Variants in RNF220 observed in about 807,000 individuals in gnomAD.
RNF220 encodes the protein ring finger protein 220.
A neutral mutation model predicts 67.1 loss-of-function variants in RNF220; 7 were observed. The ratio of observed to expected loss-of-function variants is 0.10; its 90% CI spans 0.06 to 0.20. The LOEUF (loss-of-function observed/expected upper bound fraction) is 0.20, where lower values mean the gene tolerates loss of function less well. Among genes scored for constraint, RNF220 ranks in the 10% least tolerant of loss-of-function variants. RNF220 has a pLI of 1.00. For missense variants in RNF220, 565 were observed against 740.3 expected (o/e 0.76, Z 2.75); for synonymous variants, 270 against 283.2 (o/e 0.95, Z 0.47).
At chr1:44,554,696 C>T (rs1313811356) in intron 2 of RNF220, among the ~76,000 whole-genome samples, 15 of 152,156 alleles carry the variant, frequency 9.9e-5, no homozygotes, top group Admixed American at 9.8e-4. Flanking sequence ...TGCATCAGAG[C>T]AGTTCCTTGC....
At chr1:44,452,895 ATATCT>A (rs1302737979) in intron 2 of RNF220, among the ~76,000 whole-genome samples, 1 of 152,208 alleles carries the variant, frequency 6.6e-6, no homozygotes, top group African/African-American at 2.4e-5. Context: ...GTTCCATAAA[ATATCT>A]TATAAGTATT....
chr1:44,459,077 A>G (rs1286616009), intron 2 of RNF220, among the ~76,000 whole-genome samples: 1 of 152,242 alleles, frequency 6.6e-6, no homozygotes, highest in African/African-American at 2.4e-5. Flanking sequence ...GCACCAAAAA[A>G]GAGAATGTTC....
Position 44,624,106 on chromosome 1 carries a change from G to A in RNF220, c.804+1319G>A, listed in dbSNP as rs189154241. ...GGAGCAGAGCACCTAGCCCTGCCTT[G>A]GGTGGGTATAGGCCTTGGCCAAGGA... On this transcript the variant is annotated intron_variant, in intron 4 of 14. Coordinates refer to ENST00000361799, the MANE Select transcript of RNF220 (RefSeq NM_018150.4). The surrounding 1 kb of genome is among the most constrained non-coding windows in gnomAD (Gnocchi z 4.2). Among the ~76,000 whole-genome samples, 38 of 152,360 alleles carry A rather than the reference G, an allele frequency of 2.5e-4. No individual in the cohort carries two copies. The East Asian group carries it at 7.1e-3, about 29-fold the overall frequency.
chr1:44,580,049 AAAAAAAAAG>A (rs1665139335), intron 2 of RNF220, among the ~76,000 whole-genome samples: 2 of 149,316 alleles, frequency 1.3e-5, no homozygotes, highest in African/African-American at 4.9e-5. Flanking sequence ...AAAAAAAAAA[AAAAAAAAAG>A]AAAGAAAAGA....
intron 2 of RNF220, among the ~76,000 whole-genome samples, chr1:44,566,579 G>A (rs1408207443): frequency 6.6e-6 from 1 of 152,224 alleles, no homozygotes; most frequent in African/African-American, 2.4e-5. Context: ...GATTGAAAGG[G>A]GGATGGAAGT....
At chr1:44,627,981 G>T (rs1000697718) in intron 5 of RNF220, among the ~76,000 whole-genome samples, 2 of 152,210 alleles carry the variant, frequency 1.3e-5, no homozygotes, top group Admixed American at 1.3e-4. Context: ...CAAAGTGCAA[G>T]CCCTGGGAAG....
chr1:44,425,720 T>G (rs1368668276), intron 2 of RNF220, among the ~76,000 whole-genome samples: 1 of 152,144 alleles, frequency 6.6e-6, no homozygotes, highest in Non-Finnish European at 1.5e-5. Context: ...CCCTACAGGG[T>G]TGCTGAGTAA....
chr1:44,462,094 AT>A lies in RNF220; in HGVS notation c.625+49381del, dbSNP rs199842017. Among the ~76,000 whole-genome samples, 990 of 150,048 alleles carry A rather than the reference AT, an allele frequency of 6.6e-3. 10 individuals are homozygous for A. The highest frequency in any genetic ancestry group is 0.023 in the African/African-American group (931 of 40,842). ...AGGGGCACACCACTATGCCCGGCTA[AT>A]TTTTTTTTCTTGTATTTTTAGTAGA... On this transcript the variant is annotated intron_variant, in intron 2 of 14. Coordinates refer to ENST00000361799, the MANE Select transcript of RNF220 (RefSeq NM_018150.4).
At chr1:44,525,964 C>G (rs762677379) in intron 2 of RNF220, among the ~76,000 whole-genome samples, 1 of 152,238 alleles carries the variant, frequency 6.6e-6, no homozygotes, top group Non-Finnish European at 1.5e-5. Flanking sequence ...GTTAGACCTT[C>G]AGTCCCTGGA....
Position 44,518,454 on chromosome 1 carries a change from C to A in RNF220, c.626-95711C>A, listed in dbSNP as rs1166316327. Among the ~76,000 whole-genome samples the A allele has an allele frequency of 2.6e-5, 4 of 152,298 alleles. No individual in the cohort carries two copies. The East Asian group carries it at 7.7e-4, about 29-fold the overall frequency. ...TAAAAATATGCAAATAAACCCACCTCTTCCTGATGCCAAAGCTCATGATCT... is the reference window on the plus strand; with the variant it reads ...TAAAAATATGCAAATAAACCCACCTATTCCTGATGCCAAAGCTCATGATCT... On this transcript the variant is annotated intron_variant, in intron 2 of 14. Transcript: ENST00000361799.
In RNF220 at chr1:44,605,311, A is replaced by AAAG. The variant is rs35126399; in HGVS notation, c.626-8853_626-8852insAGA. On this transcript the variant is annotated intron_variant, in intron 2 of 14. Coordinates refer to ENST00000361799, the MANE Select transcript of RNF220 (RefSeq NM_018150.4). ...GACTCCGTCTCAAAAAAAAAAAAAA[A>AAAG]AGAAAAGAAAAGCATATATAGAAGG... Among the ~76,000 whole-genome samples the AAAG allele has an allele frequency of 4.8e-3, 685 of 143,448 alleles. 27 individuals carry two copies. The highest frequency in any genetic ancestry group is 0.012 in the African/African-American group (453 of 38,678). 94.1% of individuals were successfully genotyped at this position (143,448 alleles called of 152,430 possible).
intron 3 of RNF220, among the ~76,000 whole-genome samples, chr1:44,620,848 G>T (rs972219392): frequency 2.6e-5 from 4 of 151,868 alleles, no homozygotes; most frequent in Non-Finnish European, 4.4e-5. Context: ...CCATATCTAC[G>T]CATGTGTTTA....
intron 2 of RNF220, among the ~76,000 whole-genome samples, chr1:44,532,763 G>A (rs1028627866): frequency 6.6e-6 from 1 of 152,158 alleles, no homozygotes; most frequent in Non-Finnish European, 1.5e-5. Flanking sequence ...AAGCCCCACA[G>A]CAATCTTATG....
intron 2 of RNF220, among the ~76,000 whole-genome samples, chr1:44,461,924 G>GTTTTTTTTTTTTTT (rs201661366): frequency 8.1e-6 from 1 of 123,562 alleles, no homozygotes; most frequent in African/African-American, 3.1e-5. Flanking sequence ...TTTTTTCTTT[G>GTTTTTTTTTTTTTT]TTTTTTTTTT....
At chr1:44,575,926 G>A (rs1664771215) in intron 2 of RNF220, among the ~76,000 whole-genome samples, 1 of 152,196 alleles carries the variant, frequency 6.6e-6, no homozygotes. Context: ...GTGTCCCACT[G>A]TGTGACATGC....
At chr1:44,497,212 G>A (rs1014471481) in intron 2 of RNF220, among the ~76,000 whole-genome samples, 1 of 152,066 alleles carries the variant, frequency 6.6e-6, no homozygotes, top group African/African-American at 2.4e-5. Flanking sequence ...ATGCCATCAT[G>A]ACAGACATAT....
chr1:44,486,335 A>G (rs1324420386), intron 2 of RNF220, among the ~76,000 whole-genome samples: 3 of 152,230 alleles, frequency 2.0e-5, no homozygotes, highest in Non-Finnish European at 4.4e-5. Flanking sequence ...CCAGAGCTTC[A>G]AAGTCAGAGA....
Position 44,647,738 on chromosome 1 carries a change from C to T in RNF220, c.1446-1923C>T, listed in dbSNP as rs540868842. On this transcript the variant is annotated intron_variant, in intron 12 of 14. Coordinates refer to ENST00000361799, the MANE Select transcript of RNF220 (RefSeq NM_018150.4). Reference sequence around the variant, plus strand: ...CTGCACTCCCATTACCACTCACATCCAGCAATGACAGGCCACCTGTAAGCT... The same window carrying T: ...CTGCACTCCCATTACCACTCACATCTAGCAATGACAGGCCACCTGTAAGCT... Among the ~76,000 whole-genome samples, 520 of 152,296 alleles carry T rather than the reference C, an allele frequency of 3.4e-3. 4 individuals carry two copies. The highest frequency in any genetic ancestry group is 0.012 in the African/African-American group (478 of 41,544).
chr1:44,444,360 T>A (rs1413018215), intron 2 of RNF220, among the ~76,000 whole-genome samples: 1 of 152,214 alleles, frequency 6.6e-6, no homozygotes, highest in Non-Finnish European at 1.5e-5. Flanking sequence ...TCACTAAGTT[T>A]GTGAGATTCA....
Sources: gnomAD v4.1 joint callset for allele counts (sites outside exome capture counted in the v4.1 genomes callset) on GRCh38, gnomAD v4.1.1 for gene constraint, Gnocchi (gnomAD v3.1) non-coding constraint, MANE v1.5 for transcripts, NCBI Gene and HGNC (gene_info 2026-07-23, HGNC 2026-07-21) for gene names.